The following PKD2 variants were observed in gnomAD, a reference collection of about 807,000 sequenced individuals.
The protein encoded by PKD2 is polycystin-2.
PKD2 carries 48 observed loss-of-function variants against 105.9 expected under a neutral mutation model. That is an observed-to-expected ratio of 0.45 (90% CI 0.36 to 0.58). The LOEUF is 0.58. PKD2 is among the 20% of genes least tolerant of loss of function. The pLI is 0.00. For missense variants in PKD2, 1,078 were observed against 1,255.3 expected, an observed-to-expected ratio of 0.86 and a Z score of 2.13; for synonymous variants, 464 against 481.1, an observed-to-expected ratio of 0.96 and a Z score of 0.46.
rs1175202678 is a variant in PKD2, at chr4:88,038,379, C to T, written c.972C>T (p.Leu324=). 4 of 1,614,066 alleles carry T rather than the reference C, an allele frequency of 2.5e-6. No individual in the cohort carries two copies. The highest frequency in any genetic ancestry group is 3.4e-6 in the Non-Finnish European group (4 of 1,179,962). ...LLLGVPRIRQ[L]RVRNGSCSIP... ...TAGGGGTTCCACGAATACGGCAACTCCGAGTCAGAAATGGATCCTGCTCTA... is the reference window on the plus strand; with the variant it reads ...TAGGGGTTCCACGAATACGGCAACTTCGAGTCAGAAATGGATCCTGCTCTA... The change falls in exon 4 of 15, where the codon CTC becomes CTT. Residue 324 remains leucine, a synonymous_variant. Transcript: ENST00000237596.
chr4:88,059,103 T>G (rs1434455169), intron 9 of PKD2, among the ~76,000 whole-genome samples: 2 of 152,150 alleles, frequency 1.3e-5, no homozygotes. Context: ...ATTTATTGAT[T>G]GGGTATTAGA....
intron 2 of PKD2, among the ~76,000 whole-genome samples, chr4:88,028,101 T>A (rs966903837): frequency 7.9e-5 from 12 of 152,214 alleles, no homozygotes; most frequent in Admixed American, 2.6e-4. Context: ...CAATATGGTG[T>A]ATGTACTAGG....
intron 4 of PKD2, 64 bp downstream of exon 4, chr4:88,038,565 A>G: frequency 6.9e-7 from 1 of 1,455,520 alleles, no homozygotes; most frequent in Non-Finnish European, 9.6e-7. Context: ...AACTCCCACC[A>G]TTCATTCATT....
intron 3 of PKD2, 29 bp downstream of exon 3, chr4:88,036,382 C>G: frequency 6.2e-7 from 1 of 1,608,672 alleles, no homozygotes; most frequent in Non-Finnish European, 8.5e-7. Context: ...GAAAGTACCT[C>G]TCTATCACAG....
chr4:88,040,575 TTCC>T, intron 4 of PKD2, among the ~76,000 whole-genome samples: 1 of 152,288 alleles, frequency 6.6e-6, no homozygotes, highest in African/African-American at 2.4e-5. Context: ...CCACTTCCAT[TTCC>T]TTACCATCAA....
At chr4:88,058,842 T>C (rs1720456817) in intron 9 of PKD2, among the ~76,000 whole-genome samples, 1 of 152,200 alleles carries the variant, frequency 6.6e-6, no homozygotes, top group Non-Finnish European at 1.5e-5. Flanking sequence ...TTTAAGGTGT[T>C]TTGTTCTTTT....
chr4:88,008,246 G>A lies in PKD2; in HGVS notation c.513G>A (p.Gly171=). 6.9e-7 allele frequency: 1 copy of A among 1,457,418 alleles called. No homozygotes were observed. Among genetic ancestry groups the A allele is most frequent in the Non-Finnish European group, 9.0e-7 (1 of 1,109,128 alleles). The allele number at this position is 1,457,418 out of a possible 1,614,324, so 90.3% of individuals were successfully genotyped here. Residue 171 remains glycine (G), a synonymous_variant, in exon 1 of 15, where the codon GGG becomes GGA. Coordinates refer to ENST00000237596, the MANE Select transcript of PKD2 (RefSeq NM_000297.4). ...GPPCPSPVGG[G]DPLHRHLPLE... Reference sequence around the variant, plus strand: ...CGTGCCCCAGCCCAGTCGGCGGCGGGGACCCGCTGCATCGCCACCTCCCCC... The same window carrying A: ...CGTGCCCCAGCCCAGTCGGCGGCGGAGACCCGCTGCATCGCCACCTCCCCC...
chr4:88,015,063 A>G (rs2110085674), intron 1 of PKD2, among the ~76,000 whole-genome samples: 1 of 152,350 alleles, frequency 6.6e-6, no homozygotes, highest in South Asian at 2.1e-4. Flanking sequence ...TATGGGTTTC[A>G]TGTATTTCAG....
intron 2 of PKD2, among the ~76,000 whole-genome samples, chr4:88,030,706 G>A (rs1401513268): frequency 2.0e-5 from 3 of 152,296 alleles, no homozygotes; most frequent in South Asian, 2.1e-4. Flanking sequence ...GCTGCCATTC[G>A]GGCCCACCTC....
intron 1 of PKD2, among the ~76,000 whole-genome samples, chr4:88,009,929 G>A (rs1034101369): frequency 1.3e-5 from 2 of 152,012 alleles, no homozygotes; most frequent in Non-Finnish European, 2.9e-5. Context: ...CTCAATAACA[G>A]AATATAGAGA....
At chr4:88,044,220 A>G (rs1727686367) in intron 5 of PKD2, among the ~76,000 whole-genome samples, 1 of 152,216 alleles carries the variant, frequency 6.6e-6, no homozygotes, top group Non-Finnish European at 1.5e-5. Context: ...AATAAATAGT[A>G]TAGTATATTA....
Position 88,074,842 on chromosome 4 carries a change from T to G in PKD2, c.2553T>G (p.His851Gln). The change falls in exon 14 of 15, where the codon CAT (histidine) becomes CAG (glutamine). Residue 851 changes from histidine (H) to glutamine (Q), a missense_variant. Around this residue, in one of 2 missense-constraint regions of PKD2, gnomAD observed 868 missense variants for 1,067.3 expected, o/e 0.81. Coordinates refer to ENST00000237596, the MANE Select transcript of PKD2 (RefSeq NM_000297.4). ...TGAGACGAGTGGACCGGATGGAGCA[T>G]TCCATCGGCAGCATAGTGTCCAAGA... ...VLVRRVDRME[H>Q]SIGSIVSKID... 2 of 1,614,004 alleles carry G rather than the reference T, an allele frequency of 1.2e-6. No individual in the cohort carries two copies. The highest frequency in any genetic ancestry group is 1.7e-6 in the Non-Finnish European group (2 of 1,179,882).
At position 88,043,349 on chromosome 4, in the gene PKD2, C is replaced by T. The variant is rs1214950264; in HGVS notation, c.1211C>T (p.Ala404Val). Residue 404 changes from alanine (A) to valine (V), a missense_variant, in exon 5 of 15, where the codon GCA becomes GTA. By Grantham distance (64) the Ala-to-Val change is moderately conservative (BLOSUM62 0). Transcript: ENST00000237596. ...TCAAGAACAAGAGAGGAAACAGCTG[C>T]ACAAGTTGCTAGCCTCAAGAAAAAT... Reference protein sequence around the residue: ...DLSRTREETAAQVASLKKNVW... With the variant: ...DLSRTREETAVQVASLKKNVW... The T allele has an allele frequency of 6.2e-7, 1 of 1,613,868 alleles. No homozygotes were observed. The highest frequency in any genetic ancestry group is 1.1e-5 in the South Asian group (1 of 91,074).
chr4:88,066,272 C>T (rs1028267218), intron 12 of PKD2, among the ~76,000 whole-genome samples: 1 of 151,770 alleles, frequency 6.6e-6, no homozygotes, highest in Non-Finnish European at 1.5e-5. Context: ...CCACAATGTC[C>T]GTGAGAGTGA....
At chr4:88,019,346 G>T in intron 1 of PKD2, 112 bp from the exon 2 acceptor site, 1 of 627,640 alleles carries the variant, frequency 1.6e-6, no homozygotes, top group Non-Finnish European at 2.8e-6. Context: ...AAAAAAAGGA[G>T]AATCTCCCTT....
chr4:88,036,260 C>T lies in PKD2; in HGVS notation c.750C>T (p.Thr250=), dbSNP rs1246662116. The part of the protein sequence containing the change: ...GMMSSNVYYY[T]RMMSQLFLDT... ...TGAGCTCCAATGTGTACTACTACACCCGGATGATGTCACAGCTCTTCCTAG... is the reference window on the plus strand; with the variant it reads ...TGAGCTCCAATGTGTACTACTACACTCGGATGATGTCACAGCTCTTCCTAG... The change falls in exon 3 of 15, where the codon ACC becomes ACT. Residue 250 remains threonine (T), a synonymous_variant. Coordinates refer to ENST00000237596, the MANE Select transcript of PKD2 (RefSeq NM_000297.4). 3 of 1,613,640 alleles carry T rather than the reference C, an allele frequency of 1.9e-6. No homozygotes were observed. The highest frequency in any genetic ancestry group is 1.7e-6 in the Non-Finnish European group (2 of 1,179,660).
Position 88,038,256 on chromosome 4 carries a change from A to G in PKD2, c.849A>G (p.Thr283=). 6.2e-7 allele frequency: 1 copy of G among 1,614,142 alleles called. No individual in the cohort carries two copies. Among genetic ancestry groups the G allele is most frequent in the South Asian group, 1.1e-5 (1 of 91,074 alleles). ...GATGTTTCCTTTGCTTTTAGTTCAC[A>G]GAAGGCTCCTTATTGGATGGGCTGT... The part of the protein sequence containing the change: ...LSSMEDFWKF[T]EGSLLDGLYW... The change falls in exon 4 of 15, where the codon ACA becomes ACG. Residue 283 remains threonine, a synonymous_variant. Coordinates refer to ENST00000237596, the MANE Select transcript of PKD2 (RefSeq NM_000297.4).
intron 7 of PKD2, among the ~76,000 whole-genome samples, chr4:88,053,334 A>G (rs187954936): frequency 6.6e-6 from 1 of 152,084 alleles, no homozygotes; most frequent in Non-Finnish European, 1.5e-5. Context: ...CTGAGTTGGT[A>G]TTCATACCTA....
chr4:88,046,553 A>G, intron 5 of PKD2, 89 bp from the exon 6 acceptor site: 1 of 819,450 alleles, frequency 1.2e-6, no homozygotes, highest in Non-Finnish European at 2.2e-6. Flanking sequence ...TTACCTTGTA[A>G]TGCATGAACA....
Sources: allele counts gnomAD v4.1 joint callset (sites outside exome capture counted in the v4.1 genomes callset), GRCh38; gene constraint gnomAD v4.1.1; regional missense constraint gnomAD v4.1.1; transcripts MANE v1.5; gene names NCBI Gene and HGNC (gene_info 2026-07-23, HGNC 2026-07-21).